Variants in EYA1 observed in about 807,000 individuals in gnomAD.
EYA1 encodes EYA transcriptional coactivator and phosphatase 1.
In EYA1, 16 loss-of-function variants were observed where a neutral mutation model predicts 82.0. That is an observed-to-expected ratio of 0.20 (90% CI 0.13 to 0.30). The LOEUF (loss-of-function observed/expected upper bound fraction) is 0.30. Ranked by LOEUF, EYA1 falls within the 10% of genes least tolerant of loss-of-function variation. EYA1 has a pLI of 1.00. For synonymous variants in EYA1, 261 were observed against 264.4 expected, an observed-to-expected ratio of 0.99 and a Z score of 0.12; for missense variants, 633 against 730.7, an observed-to-expected ratio of 0.87 and a Z score of 1.54.
At chr8:71,470,935 T>C in intron 2 of EYA1, 1 of 372,920 alleles carries the variant, frequency 2.7e-6, no homozygotes, top group East Asian at 8.4e-5. Flanking sequence ...CAATGGGCTT[T>C]AAAAAAAAAA....
intron 12 of EYA1, among the ~76,000 whole-genome samples, chr8:71,217,616 C>T (rs150572403): frequency 7.3e-5 from 11 of 151,088 alleles, no homozygotes; most frequent in African/African-American, 1.7e-4. Context: ...CACATGTGCA[C>T]GGTAAAAACC....
intron 2 of EYA1, among the ~76,000 whole-genome samples, chr8:71,416,633 A>G (rs532713698): frequency 2.0e-5 from 3 of 152,286 alleles, no homozygotes; most frequent in Admixed American, 1.3e-4. Flanking sequence ...ATCCATTCCC[A>G]TGACTTCAAA....
chr8:71,375,840 G>A (rs539165281), intron 2 of EYA1, among the ~76,000 whole-genome samples: 51 of 152,214 alleles, frequency 3.4e-4, no homozygotes, highest in Admixed American at 5.9e-4. Context: ...TCTTGGCCAG[G>A]CTGGTCTCGA....
At chr8:71,233,198 T>C (rs1811401756) in intron 12 of EYA1, among the ~76,000 whole-genome samples, 1 of 152,212 alleles carries the variant, frequency 6.6e-6, no homozygotes, top group Non-Finnish European at 1.5e-5. Context: ...AGAAAATTTC[T>C]CTTATCCTAC....
intron 2 of EYA1, among the ~76,000 whole-genome samples, chr8:71,491,446 C>T (rs1202157226): frequency 2.0e-5 from 3 of 152,120 alleles, no homozygotes; most frequent in Non-Finnish European, 4.4e-5. Context: ...TGCTGAAGCC[C>T]TAGCCCCAGT....
intron 2 of EYA1, among the ~76,000 whole-genome samples, chr8:71,481,215 T>G (rs1017419927): frequency 6.6e-6 from 1 of 152,176 alleles, no homozygotes; most frequent in South Asian, 2.1e-4. Context: ...ATAATAAAGT[T>G]GGACATTAAA....
At chr8:71,275,439 T>C (rs1384049531) in intron 9 of EYA1, among the ~76,000 whole-genome samples, 2 of 152,130 alleles carry the variant, frequency 1.3e-5, no homozygotes, top group African/African-American at 2.4e-5. Flanking sequence ...AGATGTCCAG[T>C]AGGCTGCTAG....
At chr8:71,446,510 G>C (rs1586732237) in intron 2 of EYA1, among the ~76,000 whole-genome samples, 1 of 152,212 alleles carries the variant, frequency 6.6e-6, no homozygotes, top group East Asian at 1.9e-4. Context: ...TATCTTCATA[G>C]CAGTGCGAAA....
Position 71,533,091 on chromosome 8 carries a change from G to T in EYA1, c.33+2653C>A, listed in dbSNP as rs1409922965. On this transcript the variant is annotated intron_variant, in intron 2 of 18. Coordinates refer to the EYA1 transcript ENST00000643681. ...AACTGATGCAAAGTGGAAACAATTA[G>T]AACAGCGGTTGCCTGTGGGGTGAGA... 2.6e-5 allele frequency among the ~76,000 whole-genome samples: 4 copies of T among 152,298 alleles called. No homozygotes were observed. The South Asian group carries it at 8.3e-4, about 32-fold the overall frequency.
chr8:71,520,221 C>G (rs1479246745), intron 2 of EYA1, among the ~76,000 whole-genome samples: 2 of 151,810 alleles, frequency 1.3e-5, no homozygotes, highest in African/African-American at 4.8e-5. Flanking sequence ...TGGCCCCCCC[C>G]TCCACTGAGG....
At chr8:71,404,517 G>A (rs1480593362) in intron 2 of EYA1, 1 of 152,216 alleles carries the variant, frequency 6.6e-6, no homozygotes, top group East Asian at 1.9e-4. Context: ...ATGTTTCCAA[G>A]TGTGGGTTGC....
chr8:71,295,302 G>T (rs1029846620), intron 9 of EYA1, among the ~76,000 whole-genome samples: 2 of 152,050 alleles, frequency 1.3e-5, no homozygotes, highest in African/African-American at 4.8e-5. Flanking sequence ...TCCATAGACT[G>T]GGAGAAAATA....
chr8:71,275,962 A>G (rs978962355), intron 9 of EYA1, among the ~76,000 whole-genome samples: 1 of 152,186 alleles, frequency 6.6e-6, no homozygotes, highest in Non-Finnish European at 1.5e-5. Flanking sequence ...ATCCCTTATC[A>G]GTCTCTTTGG....
In EYA1 at chr8:71,356,473, G is replaced by A. The variant is rs1418909661; in HGVS notation, c.-16C>T. On this transcript the variant is annotated 5_prime_UTR_variant, in exon 2 of 18. Coordinates refer to ENST00000340726, the MANE Select transcript of EYA1 (RefSeq NM_000503.6). ...AACAATATCCTTACCTGCAACTTGA[G>A]GAAACAGCAACATCTGAACTGGCTT... 9 of 1,585,352 alleles carry A rather than the reference G, an allele frequency of 5.7e-6. No individual in the cohort carries two copies. The Middle Eastern group carries it at 5.0e-4, about 88-fold the overall frequency.
At chr8:71,331,036 C>T (rs768193308) in intron 4 of EYA1, among the ~76,000 whole-genome samples, 9 of 151,952 alleles carry the variant, frequency 5.9e-5, no homozygotes, top group Non-Finnish European at 1.0e-4. Flanking sequence ...TGAGATCATC[C>T]TGGCCAACAT....
intron 2 of EYA1, among the ~76,000 whole-genome samples, chr8:71,435,592 A>C (rs140220908): frequency 6.6e-6 from 1 of 152,108 alleles, no homozygotes; most frequent in Non-Finnish European, 1.5e-5. Flanking sequence ...GGCTGTTTAT[A>C]GACTTTTTTC....
intron 9 of EYA1, among the ~76,000 whole-genome samples, chr8:71,279,400 T>C (rs1424652004): frequency 1.3e-5 from 2 of 152,148 alleles, no homozygotes; most frequent in South Asian, 2.1e-4. Context: ...ATAGATGGTA[T>C]ACCAAGGCCA....
intron 11 of EYA1, among the ~76,000 whole-genome samples, chr8:71,258,163 T>C (rs1814665360): frequency 6.6e-6 from 1 of 152,202 alleles, no homozygotes; most frequent in Non-Finnish European, 1.5e-5. Context: ...GCCTCCTCTG[T>C]TAATTTAAAA....
intron 12 of EYA1, chr8:71,225,039 T>A: frequency 3.6e-6 from 1 of 274,560 alleles, no homozygotes; most frequent in South Asian, 3.5e-5. Flanking sequence ...GGCTCCGTGA[T>A]AAAGACCCTC....
Sources: allele counts gnomAD v4.1 joint callset (sites outside exome capture counted in the v4.1 genomes callset), GRCh38; gene constraint gnomAD v4.1.1; transcripts MANE v1.5; gene names NCBI Gene and HGNC (gene_info 2026-07-23, HGNC 2026-07-21).